The following ANKS6 variants were observed in gnomAD, a reference collection of about 807,000 sequenced individuals.
ANKS6 encodes ankyrin repeat and sterile alpha motif domain containing 6, also known as ankyrin repeat and SAM domain-containing protein 6.
In ANKS6, 47 loss-of-function variants were observed where a neutral mutation model predicts 77.9. The observed-to-expected ratio is 0.60, with a 90% CI of 0.48 to 0.77. The LOEUF (loss-of-function observed/expected upper bound fraction) is 0.77, where lower values mean the gene tolerates loss of function less well. Among genes scored for constraint, ANKS6 ranks in the 30% least tolerant of loss-of-function variants. ANKS6 has a pLI of 0.00. For missense variants in ANKS6, 1,150 were observed against 1,159.1 expected (o/e 0.99, Z 0.11); for synonymous variants, 488 against 501.7 (o/e 0.97, Z 0.37).
At chr9:98,751,164 T>C in intron 12 of ANKS6, 68 bp from the exon 13 acceptor site, 2 of 1,192,190 alleles carry the variant, frequency 1.7e-6, no homozygotes, top group Non-Finnish European at 2.4e-6. Context: ...TTCAAACCTT[T>C]ATAAAGTAGT....
intron 9 of ANKS6, among the ~76,000 whole-genome samples, chr9:98,772,930 A>G (rs1588384698): frequency 6.6e-6 from 1 of 152,122 alleles, no homozygotes; most frequent in African/African-American, 2.4e-5. Flanking sequence ...CACCTCTTCT[A>G]GGGCAGAATG....
rs13299478 is a variant in ANKS6, at chr9:98,752,354, A to C, written c.2327-1258T>G. 9.0e-3 allele frequency among the ~76,000 whole-genome samples: 1,368 copies of C among 152,312 alleles called. 16 individuals carry two copies. Among genetic ancestry groups the C allele is most frequent in the Non-Finnish European group, 0.014 (940 of 68,020 alleles). On this transcript the variant is annotated intron_variant, in intron 12 of 14. Coordinates refer to ENST00000353234, the MANE Select transcript of ANKS6 (RefSeq NM_173551.5). ...GGTTGTGAGGCAGTGCATGCAGCTT[A>C]AAGAAGTGATTAGGAGGCTTAGGTT...
chr9:98,751,343 A>G (rs1348978917), intron 12 of ANKS6, among the ~76,000 whole-genome samples: 1 of 151,012 alleles, frequency 6.6e-6, no homozygotes, highest in Admixed American at 6.6e-5. Context: ...CTGTGAAGAC[A>G]CAGAGAGTCT....
Position 98,773,976 on chromosome 9 carries a change from C to T in ANKS6, c.1722G>A (p.Arg574=). 6.3e-7 allele frequency: 1 copy of T among 1,597,736 alleles called. No individual in the cohort carries two copies. The highest frequency in any genetic ancestry group is 8.5e-7 in the Non-Finnish European group (1 of 1,173,642). Residue 574 remains arginine, a synonymous_variant, in exon 9 of 15, where the codon CGG becomes CGA. Coordinates refer to ENST00000353234, the MANE Select transcript of ANKS6 (RefSeq NM_173551.5). The part of the protein sequence containing the change: ...PSSFELWSSD[R]SRTRHNGKAD... ...CCTTCCCGTTGTGACGCGTCCGGGA[C>T]CGATCAGAGCTCCACAGCTCAAAAC... is the stretch of plus-strand genomic sequence containing the variant.
intron 9 of ANKS6, among the ~76,000 whole-genome samples, chr9:98,773,186 G>T (rs1297576844): frequency 2.0e-5 from 3 of 152,228 alleles, no homozygotes; most frequent in Admixed American, 6.5e-5. Context: ...TCCTGCAGGT[G>T]ATCTCATACT....
At chr9:98,781,335 G>A (rs919105469) in intron 5 of ANKS6, among the ~76,000 whole-genome samples, 8 of 152,196 alleles carry the variant, frequency 5.3e-5, no homozygotes, top group African/African-American at 9.6e-5. Flanking sequence ...GGGAATAAAC[G>A]GCAGTGGAGG....
At position 98,751,076 on chromosome 9, in the gene ANKS6, T is replaced by A; in HGVS notation, c.2347A>T (p.Lys783Ter). Residue 783 changes from lysine to a stop codon, truncating the protein, a stop_gained, in exon 13 of 15, where the codon AAG (lysine) becomes TAG (stop). Transcript: ENST00000353234. LOFTEE classifies it high-confidence loss of function. ...TGATATTTCTCAAGTGATAATTTCT[T>A]AAGGATTCCAGTCAGTTCATCTTCA... ...TDEDELTGIL[K>*]KLSLEKYQPI... is the part of the protein sequence containing the mutation. The A allele has an allele frequency of 6.2e-7, 1 of 1,610,756 alleles. No individual in the cohort carries two copies. The highest frequency in any genetic ancestry group is 8.5e-7 in the Non-Finnish European group (1 of 1,178,906).
intron 4 of ANKS6, among the ~76,000 whole-genome samples, chr9:98,782,989 A>G (rs1834358379): frequency 6.6e-6 from 1 of 152,050 alleles, no homozygotes; most frequent in Non-Finnish European, 1.5e-5. Context: ...TGAGAGACTG[A>G]GGTTGGAGGA....
In ANKS6 at chr9:98,791,559, C is replaced by T. The variant is rs1045086195; in HGVS notation, c.360-953G>A. ...TCTGTTTTGTGGTGTCTCTGGTGGG[C>T]TCGGAGCTGTGTATCTCCAAGCTGG... is the stretch of plus-strand genomic sequence containing the variant. On this transcript the variant is annotated intron_variant, in intron 1 of 14. Coordinates refer to ENST00000353234, the MANE Select transcript of ANKS6 (RefSeq NM_173551.5). This position sits in a 1 kb window ranked among gnomAD's most constrained non-coding sequence, Gnocchi z 4.3. Among the ~76,000 whole-genome samples, 1 of 152,150 alleles carries T rather than the reference C, an allele frequency of 6.6e-6. No individual in the cohort carries two copies. Among genetic ancestry groups the T allele is most frequent in the African/African-American group, 2.4e-5 (1 of 41,418 alleles).
chr9:98,790,453 G>C lies in ANKS6; in HGVS notation c.513C>G (p.Asp171Glu), dbSNP rs773408089. 1 of 1,613,792 alleles carries C rather than the reference G, an allele frequency of 6.2e-7. No individual in the cohort carries two copies. Among genetic ancestry groups the C allele is most frequent in the South Asian group, 1.1e-5 (1 of 91,076 alleles). Residue 171 changes from aspartate to glutamate, a missense_variant, in exon 2 of 15, where the codon GAC (aspartate) becomes GAG (glutamate). Coordinates refer to ENST00000353234, the MANE Select transcript of ANKS6 (RefSeq NM_173551.5). ...GTTGCTCGCCTGAAGGGTGGTGATG[G>C]TCCACAAAGGCACCGGCTTCCAGGA... Reference protein sequence around the residue: ...KLLLEAGAFVDHHHPSGEQLG... With the variant: ...KLLLEAGAFVEHHHPSGEQLG...
At chr9:98,790,041 G>C in intron 2 of ANKS6, 63 bp downstream of exon 2, 1 of 1,513,290 alleles carries the variant, frequency 6.6e-7, no homozygotes. Flanking sequence ...GCAATCCTCA[G>C]CTTAAGCCAC....
intron 11 of ANKS6, among the ~76,000 whole-genome samples, chr9:98,764,316 G>A (rs972410600): frequency 5.3e-5 from 8 of 152,122 alleles, no homozygotes; most frequent in Admixed American, 2.0e-4. Flanking sequence ...TAATATGGAG[G>A]GGTACATTCT....
chr9:98,751,161 C>T (rs1212108458), intron 12 of ANKS6, 65 bp from the exon 13 acceptor site: 1 of 1,241,200 alleles, frequency 8.1e-7, no homozygotes. Context: ...GTCTTCAAAC[C>T]TTTATAAAGT....
intron 2 of ANKS6, among the ~76,000 whole-genome samples, chr9:98,785,448 T>C (rs1448914112): frequency 6.6e-6 from 1 of 152,252 alleles, no homozygotes; most frequent in Non-Finnish European, 1.5e-5. Context: ...CAAAAGCCGC[T>C]GCCCAACTGG....
Position 98,750,565 on chromosome 9 carries a change from CTCTA to C in ANKS6, c.2394+460_2394+463del, listed in dbSNP as rs1307197400. 2.0e-5 allele frequency among the ~76,000 whole-genome samples: 3 copies of C among 152,154 alleles called. No homozygotes were observed. The East Asian group carries it at 5.8e-4, about 29-fold the overall frequency. ...GTAGGACTGCTGGGTCACACGGTAA[CTCTA>C]TATTTAATATTTTGAGGAAGTGCCA... On this transcript the variant is annotated intron_variant, in intron 13 of 14. Coordinates refer to ENST00000353234, the MANE Select transcript of ANKS6 (RefSeq NM_173551.5).
At chr9:98,753,288 T>C (rs905759709) in intron 12 of ANKS6, among the ~76,000 whole-genome samples, 1 of 152,194 alleles carries the variant, frequency 6.6e-6, no homozygotes, top group African/African-American at 2.4e-5. Flanking sequence ...TTTGTTTACA[T>C]GAACAAGAAA....
intron 12 of ANKS6, among the ~76,000 whole-genome samples, chr9:98,754,590 C>A (rs1055849230): frequency 6.6e-6 from 1 of 151,384 alleles, no homozygotes; most frequent in African/African-American, 2.4e-5. Flanking sequence ...TGCAGTGAGC[C>A]GAGATCGCGC....
chr9:98,789,303 A>C (rs1834756646), intron 2 of ANKS6, among the ~76,000 whole-genome samples: 1 of 152,064 alleles, frequency 6.6e-6, no homozygotes, highest in Admixed American at 6.6e-5. Flanking sequence ...GAGGGTACCA[A>C]GGCTGTGTGT....
chr9:98,749,886 G>A (rs575073379), intron 13 of ANKS6, among the ~76,000 whole-genome samples: 1 of 152,288 alleles, frequency 6.6e-6, no homozygotes, highest in Non-Finnish European at 1.5e-5. Flanking sequence ...CTCTGCAATT[G>A]TGTCAGTTTT....
Sources: allele counts gnomAD v4.1 joint callset (sites outside exome capture counted in the v4.1 genomes callset), GRCh38; gene constraint gnomAD v4.1.1; non-coding constraint Gnocchi (gnomAD v3.1); transcripts MANE v1.5; gene names NCBI Gene and HGNC (gene_info 2026-07-23, HGNC 2026-07-21).